RARB: variants seen among roughly 807,000 people sequenced by gnomAD.
The protein encoded by RARB is HBV-activated protein.
In RARB, 17 loss-of-function variants were observed where a neutral mutation model predicts 51.9. The ratio of observed to expected loss-of-function variants is 0.33; its 90% CI spans 0.22 to 0.49. The LOEUF (loss-of-function observed/expected upper bound fraction) is 0.49. Ranked by LOEUF, RARB falls within the 20% of genes least tolerant of loss-of-function variation. The pLI, the probability that RARB is intolerant of heterozygous loss-of-function variation, is 0.99. For synonymous variants in RARB, 215 were observed against 195.4 expected (o/e 1.10, Z -0.84); for missense variants, 369 against 550.8 (o/e 0.67, Z 3.30).
intron 2 of RARB, among the ~76,000 whole-genome samples, chr3:25,031,080 T>C (rs1697864198): frequency 6.6e-6 from 1 of 151,974 alleles, no homozygotes; most frequent in Admixed American, 6.6e-5. Flanking sequence ...TTGCGAAGGG[T>C]TGTCCCGTGC....
intron 5 of RARB, among the ~76,000 whole-genome samples, chr3:25,389,198 G>T (rs1239710278): frequency 6.6e-6 from 1 of 152,116 alleles, no homozygotes; most frequent in East Asian, 1.9e-4. Context: ...CCAAGTACCA[G>T]AGTTGATTGG....
chr3:24,940,031 T>C (rs1321542744), intron 2 of RARB, among the ~76,000 whole-genome samples: 1 of 152,228 alleles, frequency 6.6e-6, no homozygotes, highest in Non-Finnish European at 1.5e-5. Flanking sequence ...TTTAATGTTA[T>C]TATGTAAATG....
At chr3:25,568,181 C>T (rs964235127) in intron 3 of RARB, among the ~76,000 whole-genome samples, 1 of 152,162 alleles carries the variant, frequency 6.6e-6, no homozygotes, top group African/African-American at 2.4e-5. Flanking sequence ...TTTCAGAGTC[C>T]TGGGGGAAGG....
At chr3:24,981,590 C>T (rs184840283) in intron 2 of RARB, among the ~76,000 whole-genome samples, 53 of 151,922 alleles carry the variant, frequency 3.5e-4, no homozygotes, top group African/African-American at 1.2e-3. Context: ...ACCCACCGAG[C>T]CAGGCACAGG....
At chr3:25,072,984 C>T (rs1698800531) in intron 3 of RARB, among the ~76,000 whole-genome samples, 1 of 152,158 alleles carries the variant, frequency 6.6e-6, no homozygotes, top group African/African-American at 2.4e-5. Flanking sequence ...AGGTGTGAGC[C>T]ACCGCGCCCG....
intron 4 of RARB, among the ~76,000 whole-genome samples, chr3:25,141,952 C>G (rs1417871419): frequency 6.6e-6 from 1 of 152,146 alleles, no homozygotes; most frequent in East Asian, 1.9e-4. Context: ...CTCATGACAT[C>G]CATGTGTAGA....
intron 1 of RARB, 125 bp from the exon 2 acceptor site, chr3:25,461,068 T>G: frequency 8.9e-7 from 1 of 1,120,954 alleles, no homozygotes; most frequent in Non-Finnish European, 1.2e-6. Context: ...GCTGTTTTTA[T>G]GAGCCCATTC....
At chr3:25,539,597 T>C (rs13070526) in intron 3 of RARB, among the ~76,000 whole-genome samples, 28,967 of 142,812 alleles carry the variant, frequency 0.2, 3,466 homozygotes, top group Middle Eastern at 0.26. Context: ...TTTTTTCTCT[T>C]GTTTTGTATT....
intron 5 of RARB, among the ~76,000 whole-genome samples, chr3:25,209,387 T>C (rs1329838328): frequency 3.3e-5 from 5 of 152,208 alleles, no homozygotes. Context: ...AGTTTATTCT[T>C]CTCTTTCAGA....
At chr3:25,076,803 T>C (rs572268469) in intron 3 of RARB, among the ~76,000 whole-genome samples, 1 of 152,260 alleles carries the variant, frequency 6.6e-6, no homozygotes, top group African/African-American at 2.4e-5. Flanking sequence ...ATCAGACCAA[T>C]TACCACATGG....
At chr3:24,848,319 C>G (rs1453248123) in intron 1 of RARB, among the ~76,000 whole-genome samples, 1 of 152,156 alleles carries the variant, frequency 6.6e-6, no homozygotes, top group Non-Finnish European at 1.5e-5. Flanking sequence ...CCTCGGCTTC[C>G]CAAAATGCTG....
intron 5 of RARB, among the ~76,000 whole-genome samples, chr3:25,252,778 C>A (rs1436289235): frequency 1.3e-5 from 2 of 151,904 alleles, no homozygotes; most frequent in Non-Finnish European, 2.9e-5. Context: ...TATCTATATC[C>A]CCTTTTAACT....
chr3:25,091,515 C>T (rs977448967), intron 3 of RARB, among the ~76,000 whole-genome samples: 2 of 152,266 alleles, frequency 1.3e-5, no homozygotes, highest in African/African-American at 2.4e-5. Flanking sequence ...ACGGAATCCA[C>T]CATCTGTTTC....
chr3:24,927,597 C>T (rs985800450), intron 2 of RARB, among the ~76,000 whole-genome samples: 8 of 151,980 alleles, frequency 5.3e-5, no homozygotes, highest in Non-Finnish European at 1.0e-4. Context: ...CAGAAACATG[C>T]AAAGAAGCCT....
intron 3 of RARB, among the ~76,000 whole-genome samples, chr3:25,117,008 C>G (rs763096898): frequency 3.3e-5 from 5 of 152,080 alleles, no homozygotes; most frequent in Admixed American, 6.6e-5. Context: ...ATTTGTGGGT[C>G]CACTAAAGAT....
chr3:24,975,753 T>G (rs1374934082), intron 2 of RARB, among the ~76,000 whole-genome samples: 4 of 148,662 alleles, frequency 2.7e-5, no homozygotes, highest in African/African-American at 7.3e-5. Flanking sequence ...TCTTCTTTTT[T>G]GGGGAGTTGG....
At chr3:25,450,620 G>T (rs1709150601) in intron 1 of RARB, among the ~76,000 whole-genome samples, 2 of 152,124 alleles carry the variant, frequency 1.3e-5, no homozygotes, top group Non-Finnish European at 2.9e-5. Flanking sequence ...TATAATTGGG[G>T]CCAGATAATT....
At chr3:25,350,456 T>A (rs1307342782) in intron 5 of RARB, among the ~76,000 whole-genome samples, 1 of 152,210 alleles carries the variant, frequency 6.6e-6, no homozygotes, top group African/African-American at 2.4e-5. Context: ...CAAGGACATG[T>A]GTCTGCTGAA....
chr3:24,899,815 T>C (rs1031101827), intron 2 of RARB, among the ~76,000 whole-genome samples: 14 of 152,360 alleles, frequency 9.2e-5, no homozygotes, highest in African/African-American at 3.4e-4. Context: ...ATGTGACTTC[T>C]GCTTTGTACC....
Sources: allele counts gnomAD v4.1 joint callset (sites outside exome capture counted in the v4.1 genomes callset), GRCh38; gene constraint gnomAD v4.1.1; transcripts MANE v1.5; gene names NCBI Gene and HGNC (gene_info 2026-07-23, HGNC 2026-07-21).